The following UMAD1 variants were observed in gnomAD, a reference collection of about 807,000 sequenced individuals.
UMAD1 encodes UBAP1-MVB12-associated (UMA) domain containing 1.
In UMAD1, 8 loss-of-function variants were observed where a neutral mutation model predicts 6.1. The ratio of observed to expected loss-of-function variants is 1.30; its 90% CI spans 0.76 to 2.35. The LOEUF is 2.35. UMAD1 is among the 30% of genes most tolerant of loss of function. UMAD1 has a pLI of 0.00. For missense variants in UMAD1, 130 were observed against 78.4 expected, an observed-to-expected ratio of 1.66 and a Z score of -2.49; for synonymous variants, 56 against 31.4, an observed-to-expected ratio of 1.78 and a Z score of -2.61.
At chr7:7,769,925 A>G (rs1415531129) in intron 2 of UMAD1, among the ~76,000 whole-genome samples, 1 of 152,150 alleles carries the variant, frequency 6.6e-6, no homozygotes, top group Non-Finnish European at 1.5e-5. Flanking sequence ...CACCTTTGCA[A>G]CCAACTTTCC....
intron 2 of UMAD1, among the ~76,000 whole-genome samples, chr7:7,692,831 TCTCTTGAC>T: frequency 6.6e-6 from 1 of 152,114 alleles, no homozygotes; most frequent in Non-Finnish European, 1.5e-5. Flanking sequence ...ATGGTCTTGA[TCTCTTGAC>T]CTCGTGATCT....
At chr7:7,645,976 TGCC>T (rs1785084687) in intron 1 of UMAD1, among the ~76,000 whole-genome samples, 1 of 152,166 alleles carries the variant, frequency 6.6e-6, no homozygotes, top group Non-Finnish European at 1.5e-5. Context: ...TTTGCTCGGC[TGCC>T]GTGTACTCAA....
Position 7,812,497 on chromosome 7 carries a change from T to C in UMAD1, c.156+10754T>C, listed in dbSNP as rs1457675531. On this transcript the variant is annotated intron_variant, in intron 3 of 3. Coordinates refer to ENST00000682710, the MANE Select transcript of UMAD1 (RefSeq NM_001302348.2). Reference sequence around the variant, plus strand: ...TTGATTGATCACAATTGATTGCAATTAGAATCTAAGAACTGGAACATTGTT... The same window carrying C: ...TTGATTGATCACAATTGATTGCAATCAGAATCTAAGAACTGGAACATTGTT... Among the ~76,000 whole-genome samples, 2 of 152,196 alleles carry C rather than the reference T, an allele frequency of 1.3e-5. 1 individual carries two copies.
At chr7:7,793,732 G>C (rs1782614889) in intron 2 of UMAD1, among the ~76,000 whole-genome samples, 1 of 152,154 alleles carries the variant, frequency 6.6e-6, no homozygotes, top group African/African-American at 2.4e-5. Flanking sequence ...AAAAAGTGTG[G>C]GTTAGCATTG....
chr7:7,827,141 ATATATATGTG>A (rs1205993909), intron 3 of UMAD1, among the ~76,000 whole-genome samples: 16 of 134,960 alleles, frequency 1.2e-4, no homozygotes, highest in African/African-American at 4.6e-4. Context: ...ATATATATAT[ATATATATGTG>A]TGTGTGTGTG....
intron 2 of UMAD1, among the ~76,000 whole-genome samples, chr7:7,698,020 T>C (rs908031045): frequency 5.3e-5 from 8 of 152,302 alleles, no homozygotes; most frequent in Admixed American, 4.6e-4. Context: ...TGTTAGAATG[T>C]GCATTTCTTT....
intron 3 of UMAD1, among the ~76,000 whole-genome samples, chr7:7,875,605 TC>T (rs1466442941): frequency 2.6e-5 from 4 of 152,206 alleles, no homozygotes; most frequent in African/African-American, 9.7e-5. Context: ...ATGGATAAAT[TC>T]CTGGACACAT....
At chr7:7,730,261 T>C (rs1017258308) in intron 2 of UMAD1, among the ~76,000 whole-genome samples, 1 of 152,196 alleles carries the variant, frequency 6.6e-6, no homozygotes, top group Admixed American at 6.5e-5. Context: ...CTCTAAAAAA[T>C]ACCAATGTCT....
At chr7:7,661,937 C>G (rs189721148) in intron 1 of UMAD1, among the ~76,000 whole-genome samples, 116 of 152,290 alleles carry the variant, frequency 7.6e-4, no homozygotes, top group African/African-American at 2.6e-3. Context: ...TGCTCTGTCC[C>G]TGGGAGATGG....
chr7:7,878,890 G>A lies in UMAD1; in HGVS notation c.*1352G>A, dbSNP rs1403822176. The A allele has an allele frequency of 6.6e-6, 1 of 152,118 alleles. No individual in the cohort carries two copies. 9.4% of individuals were successfully genotyped at this position (152,118 alleles called of 1,614,324 possible). ...TATAATGTTACCATATGGTGTTAATGATTAAATTAGATCTTTACATAGTTC... is the reference window on the plus strand; with the variant it reads ...TATAATGTTACCATATGGTGTTAATAATTAAATTAGATCTTTACATAGTTC... On this transcript the variant is annotated 3_prime_UTR_variant, in exon 4 of 4. Coordinates refer to ENST00000682710, the MANE Select transcript of UMAD1 (RefSeq NM_001302348.2).
At chr7:7,867,954 G>GTAGAGCAGA (rs1174827336) in intron 3 of UMAD1, among the ~76,000 whole-genome samples, 13 of 152,210 alleles carry the variant, frequency 8.5e-5, no homozygotes, top group Admixed American at 4.6e-4. Flanking sequence ...TTGTTGGGGG[G>GTAGAGCAGA]TAGAGCAGAT....
At chr7:7,696,225 G>A (rs1583747190) in intron 2 of UMAD1, among the ~76,000 whole-genome samples, 1 of 150,744 alleles carries the variant, frequency 6.6e-6, no homozygotes, top group African/African-American at 2.4e-5. Context: ...CAGGCTACCA[G>A]TGTAATTTGT....
intron 2 of UMAD1, among the ~76,000 whole-genome samples, chr7:7,721,301 A>C (rs768816829): frequency 3.9e-5 from 6 of 152,126 alleles, no homozygotes; most frequent in Non-Finnish European, 8.8e-5. Context: ...TTTTTCTGTC[A>C]TTTGGATTTT....
At chr7:7,675,166 C>G (rs1033680517) in intron 2 of UMAD1, among the ~76,000 whole-genome samples, 2 of 152,156 alleles carry the variant, frequency 1.3e-5, no homozygotes, top group African/African-American at 2.4e-5. Context: ...CGTCCAGCCT[C>G]TTTTCTGTTG....
At chr7:7,844,905 T>G (rs1783754737) in intron 3 of UMAD1, among the ~76,000 whole-genome samples, 1 of 152,184 alleles carries the variant, frequency 6.6e-6, no homozygotes, top group African/African-American at 2.4e-5. Flanking sequence ...TTTTTACAAT[T>G]TATACTTTAA....
At chr7:7,812,328 C>T (rs1416444196) in intron 3 of UMAD1, among the ~76,000 whole-genome samples, 1 of 152,162 alleles carries the variant, frequency 6.6e-6, no homozygotes, top group Non-Finnish European at 1.5e-5. Context: ...ACCAATTATT[C>T]CCTGCCAGAA....
Position 7,877,281 on chromosome 7 carries a change from AC to A in UMAD1, c.159del (p.Asn54ThrfsTer8), listed in dbSNP as rs1246043797. ...ATGTTTTAAATGTATGTATTTTTAGACCAACAAAGAAAATTCATCCAGTGTG... is the reference window on the plus strand; with the variant it reads ...ATGTTTTAAATGTATGTATTTTTAGACAACAAAGAAAATTCATCCAGTGTG... ...SDIEANQPLE[T>X]NKENSSSVTV... On this transcript the variant is annotated frameshift_variant and splice_region_variant, in exon 4 of 4. Transcript: ENST00000682710. LOFTEE classifies it high-confidence loss of function. 1 of 711,694 alleles carries A rather than the reference AC, an allele frequency of 1.4e-6. No individual in the cohort carries two copies. The highest frequency in any genetic ancestry group is 1.7e-5 in the African/African-American group (1 of 57,160). 44.1% of individuals were successfully genotyped at this position (711,694 alleles called of 1,614,324 possible).
intron 3 of UMAD1, among the ~76,000 whole-genome samples, chr7:7,853,905 A>C (rs1783965893): frequency 6.6e-6 from 1 of 152,184 alleles, no homozygotes; most frequent in Non-Finnish European, 1.5e-5. Context: ...GGGGAAAAGC[A>C]TCTAGTCTTT....
chr7:7,690,167 G>T (rs867687853), intron 2 of UMAD1, among the ~76,000 whole-genome samples: 1 of 152,158 alleles, frequency 6.6e-6, no homozygotes, highest in Non-Finnish European at 1.5e-5. Flanking sequence ...CAGCAATTCT[G>T]CTGATGATAA....
Sources: allele counts gnomAD v4.1 joint callset (sites outside exome capture counted in the v4.1 genomes callset), GRCh38; gene constraint gnomAD v4.1.1; transcripts MANE v1.5; gene names NCBI Gene and HGNC (gene_info 2026-07-23, HGNC 2026-07-21).